ANK2: variants seen among roughly 807,000 people sequenced by gnomAD.
ANK2 encodes ankyrin 2, also known as ankyrin-2.
Under a neutral mutation model 360.5 loss-of-function variants are expected in ANK2, and 83 were observed. That is an observed-to-expected ratio of 0.23 (90% CI 0.19 to 0.28). ANK2 has a LOEUF of 0.28. Ranked by LOEUF, ANK2 falls within the 10% of genes least tolerant of loss-of-function variation. The pLI is 1.00. For missense variants in ANK2, 4,201 were observed against 4,795.7 expected, an observed-to-expected ratio of 0.88 and a Z score of 3.66; for synonymous variants, 1,740 against 1,759.5, an observed-to-expected ratio of 0.99 and a Z score of 0.28.
chr4:113,322,290 A>G (rs2086716411), intron 26 of ANK2, among the ~76,000 whole-genome samples: 1 of 151,848 alleles, frequency 6.6e-6, no homozygotes, highest in Non-Finnish European at 1.5e-5. Flanking sequence ...CAGTATCAGT[A>G]TTAAAAAATC....
At chr4:112,812,478 A>G in the ANK2 span, among the ~76,000 whole-genome samples, 22 of 152,312 alleles carry the variant, frequency 1.4e-4, no homozygotes, top group Non-Finnish European at 2.8e-4. Flanking sequence ...AGGAAAAGCA[A>G]CATAAGAGGC....
intron 1 of ANK2, among the ~76,000 whole-genome samples, chr4:113,101,980 T>C (rs1275020421): frequency 3.3e-5 from 5 of 152,056 alleles, no homozygotes; most frequent in African/African-American, 9.7e-5. Flanking sequence ...ATGGTGAGGA[T>C]AGAGAAGCAA....
chr4:112,953,570 T>A (rs895379909), intron 2 of ANK2, among the ~76,000 whole-genome samples: 1 of 152,244 alleles, frequency 6.6e-6, no homozygotes, highest in Non-Finnish European at 1.5e-5. Flanking sequence ...ATACGTTTGG[T>A]TTGCATTAAT....
At chr4:113,094,916 G>A (rs1189623621) in intron 1 of ANK2, among the ~76,000 whole-genome samples, 1 of 152,150 alleles carries the variant, frequency 6.6e-6, no homozygotes, top group Non-Finnish European at 1.5e-5. Flanking sequence ...AAAAAATTTA[G>A]GGTGTGGCTG....
chr4:113,007,166 TA>T (rs1220463947), intron 2 of ANK2, among the ~76,000 whole-genome samples: 1 of 152,170 alleles, frequency 6.6e-6, no homozygotes, highest in Non-Finnish European at 1.5e-5. Flanking sequence ...TAACTTATAA[TA>T]AAAATGGATA....
At chr4:113,378,189 T>C (rs1234067369) in intron 45 of ANK2, 1 of 1,233,858 alleles carries the variant, frequency 8.1e-7, no homozygotes, top group Non-Finnish European at 1.1e-6. Context: ...AAGGTTTGGG[T>C]TAGCATGGGG....
chr4:112,767,566 CAATA>C, the ANK2 span, among the ~76,000 whole-genome samples: 5,633 of 144,774 alleles, frequency 0.039, 265 homozygotes, highest in African/African-American at 0.11. Flanking sequence ...GACCCTGTCT[CAATA>C]AATAAATAAA....
chr4:112,950,366 T>A (rs2154252255), intron 2 of ANK2, among the ~76,000 whole-genome samples: 1 of 152,272 alleles, frequency 6.6e-6, no homozygotes, highest in Non-Finnish European at 1.5e-5. Flanking sequence ...AAAGTAAGGC[T>A]GGGTGCGGTG....
intron 2 of ANK2, among the ~76,000 whole-genome samples, chr4:112,978,845 C>G (rs1467675200): frequency 6.6e-6 from 1 of 152,132 alleles, no homozygotes; most frequent in African/African-American, 2.4e-5. Flanking sequence ...GTCATTTGAC[C>G]TTTTTACTCT....
chr4:112,741,020 A>T, the ANK2 span, among the ~76,000 whole-genome samples: 1 of 151,014 alleles, frequency 6.6e-6, no homozygotes, highest in Non-Finnish European at 1.5e-5. Flanking sequence ...TTAGGAACAG[A>T]GATCTCACTA....
intron 2 of ANK2, among the ~76,000 whole-genome samples, chr4:112,926,048 CAG>C (rs917500660): frequency 2.6e-5 from 4 of 152,162 alleles, no homozygotes; most frequent in African/African-American, 9.7e-5. Context: ...GAACCTCTAT[CAG>C]AGTCATTTTA....
chr4:113,082,553 C>A (rs2082837606), intron 1 of ANK2, among the ~76,000 whole-genome samples: 1 of 152,146 alleles, frequency 6.6e-6, no homozygotes, highest in Non-Finnish European at 1.5e-5. Flanking sequence ...TGCATAATTA[C>A]TAAAACTTAA....
intron 2 of ANK2, among the ~76,000 whole-genome samples, chr4:112,937,798 A>G (rs2093880623): frequency 1.3e-5 from 2 of 152,214 alleles, no homozygotes; most frequent in African/African-American, 4.8e-5. Context: ...AGACCCTCAA[A>G]TAGCTCATGT....
chr4:113,366,391 CTTTTTTTTTTT>C (rs58588518), intron 41 of ANK2, among the ~76,000 whole-genome samples: 4 of 108,370 alleles, frequency 3.7e-5, no homozygotes, highest in Non-Finnish European at 5.2e-5. Context: ...TTCTTGCTTC[CTTTTTTTTTTT>C]TTTTTTTTTT....
At chr4:112,881,498 C>G (rs1033050453) in intron 1 of ANK2, among the ~76,000 whole-genome samples, 1 of 152,180 alleles carries the variant, frequency 6.6e-6, no homozygotes. Context: ...GCTAGATATT[C>G]AAAGTCCTTT....
At chr4:113,040,176 C>A (rs1463819929) in intron 2 of ANK2, among the ~76,000 whole-genome samples, 1 of 151,960 alleles carries the variant, frequency 6.6e-6, no homozygotes, top group Non-Finnish European at 1.5e-5. Flanking sequence ...ATAATGCGTC[C>A]TAAAAAACTG....
At chr4:113,349,383 C>T (rs926556347) in intron 36 of ANK2, among the ~76,000 whole-genome samples, 2 of 151,698 alleles carry the variant, frequency 1.3e-5, no homozygotes, top group South Asian at 2.1e-4. Context: ...AATGTTATTC[C>T]AATGCATTCA....
chr4:113,194,235 A>T (rs1007266531), intron 2 of ANK2, among the ~76,000 whole-genome samples: 10 of 152,200 alleles, frequency 6.6e-5, no homozygotes, highest in African/African-American at 2.4e-4. Flanking sequence ...ATGGATGATG[A>T]TGCAAACATT....
rs114206444 is a variant in ANK2 at position 112,894,886 on chromosome 4, A to G, written c.-39-9569A>G. The stretch of plus-strand genomic sequence containing the variant: ...GACAGGGTTGCAAGATCTGAAAGCC[A>G]GATTTGATGTACAGTATTTCTTTTT... On this transcript the variant is annotated intron_variant, in intron 1 of 30. Coordinates refer to the ANK2 transcript ENST00000503271. Among the ~76,000 whole-genome samples, 1,131 of 152,340 alleles carry G rather than the reference A, an allele frequency of 7.4e-3. 11 individuals are homozygous for G. Among genetic ancestry groups the G allele is most frequent in the African/African-American group, 0.025 (1,019 of 41,582 alleles).
Sources: allele counts gnomAD v4.1 joint callset (sites outside exome capture counted in the v4.1 genomes callset), GRCh38; gene constraint gnomAD v4.1.1; transcripts MANE v1.5; gene names NCBI Gene and HGNC (gene_info 2026-07-23, HGNC 2026-07-21).